The following DPP3 variants were observed in gnomAD, a reference collection of about 807,000 sequenced individuals.
The protein encoded by DPP3 is DPP III.
Under a neutral mutation model 89.8 loss-of-function variants are expected in DPP3, and 64 were observed. The ratio of observed to expected loss-of-function variants is 0.71; its 90% CI spans 0.58 to 0.88. The LOEUF is 0.88. Among genes scored for constraint, DPP3 ranks in the 40% least tolerant of loss-of-function variants. The pLI is 0.00. For synonymous variants in DPP3, 377 were observed against 404.3 expected (o/e 0.93, Z 0.81); for missense variants, 835 against 972.5 (o/e 0.86, Z 1.88).
At position 66,493,020 on chromosome 11, in the gene DPP3, C is replaced by T. The variant is rs775982306; in HGVS notation, c.1184-47C>T. On this transcript the variant is annotated intron_variant, in intron 10 of 17. Coordinates refer to ENST00000531863, the MANE Select transcript of DPP3 (RefSeq NM_130443.4). The stretch of plus-strand genomic sequence containing the variant: ...ACTGCTCTGTGCCTCTTGTCTGTTA[C>T]CTTTGACCCTCACCTCTTCTTTCTG... 2.5e-6 allele frequency: 4 copies of T among 1,611,598 alleles called. No individual in the cohort carries two copies. In the Admixed American group the frequency reaches 5.0e-5, roughly 20 times the overall value.
intron 6 of DPP3, 94 bp from the exon 7 acceptor site, chr11:66,491,159 G>A: frequency 6.4e-7 from 1 of 1,569,114 alleles, no homozygotes; most frequent in Non-Finnish European, 8.6e-7. Context: ...AGTGCTATGG[G>A]GAAAAGCCGG....
chr11:66,508,647 C>G (rs376948698), intron 17 of DPP3, among the ~76,000 whole-genome samples: 5 of 152,112 alleles, frequency 3.3e-5, no homozygotes, highest in Non-Finnish European at 7.3e-5. Context: ...CTCAGCCTCC[C>G]GAGTAGCTGG....
In DPP3 at chr11:66,491,328, G is replaced by A. The variant is rs772573325; in HGVS notation, c.743G>A (p.Arg248Gln). 6.8e-6 allele frequency: 11 copies of A among 1,613,752 alleles called. No individual in the cohort carries two copies. Among genetic ancestry groups the A allele is most frequent in the East Asian group, 4.5e-5 (2 of 44,848 alleles). Reference sequence around the variant, plus strand: ...CGGGGAAGCCCTTTCCAGGTGACCCGGGGGGACTACGCGCCCATCCTCCAG... The same window carrying A: ...CGGGGAAGCCCTTTCCAGGTGACCCAGGGGGACTACGCGCCCATCCTCCAG... ...EFRGSPFQVT[R>Q]GDYAPILQKV... The change falls in exon 7 of 18, where the codon CGG becomes CAG. Residue 248 changes from arginine (R) to glutamine (Q), a missense_variant. Coordinates refer to ENST00000531863, the MANE Select transcript of DPP3 (RefSeq NM_130443.4).
chr11:66,493,832 G>A (rs1175911609), intron 12 of DPP3, among the ~76,000 whole-genome samples, 199 bp downstream of exon 12: 1 of 152,216 alleles, frequency 6.6e-6, no homozygotes, highest in Non-Finnish European at 1.5e-5. Context: ...TGGATGTAGA[G>A]CCTGGGTGTA....
intron 12 of DPP3, among the ~76,000 whole-genome samples, chr11:66,494,073 CTT>C (rs1455737477): frequency 6.6e-6 from 1 of 152,154 alleles, no homozygotes; most frequent in African/African-American, 2.4e-5. Context: ...GCAGTGCTGT[CTT>C]TGTTTGCGCT....
At chr11:66,488,390 C>A (rs928119245) in intron 6 of DPP3, among the ~76,000 whole-genome samples, 6 of 152,094 alleles carry the variant, frequency 3.9e-5, no homozygotes, top group Non-Finnish European at 8.8e-5. Context: ...GGTGAAACCC[C>A]ATCTCTACTA....
chr11:66,488,104 G>T (rs1253183205), intron 6 of DPP3, 97 bp downstream of exon 6: 2 of 1,038,812 alleles, frequency 1.9e-6, no homozygotes, highest in African/African-American at 1.6e-5. Context: ...TTCAGAAAGA[G>T]CATCCTTCTC....
chr11:66,500,736 C>T (rs1855655729), intron 16 of DPP3, among the ~76,000 whole-genome samples: 1 of 152,200 alleles, frequency 6.6e-6, no homozygotes. Context: ...AGGAGACATA[C>T]AGGGATGTTC....
At chr11:66,493,730 C>T (rs1434244707) in intron 12 of DPP3, 97 bp downstream of exon 12, 2 of 1,317,860 alleles carry the variant, frequency 1.5e-6, no homozygotes, top group Admixed American at 4.3e-5. Flanking sequence ...CCTCTGCCCT[C>T]AGGAGCTATG....
At chr11:66,480,552 C>A in intron 1 of DPP3, 87 bp downstream of exon 1, 1 of 1,394,246 alleles carries the variant, frequency 7.2e-7, no homozygotes, top group Non-Finnish European at 9.3e-7. Flanking sequence ...AAATCGTTCC[C>A]TTTCTGCCCA....
chr11:66,498,243 G>A (rs180932405), intron 16 of DPP3, among the ~76,000 whole-genome samples: 17 of 152,190 alleles, frequency 1.1e-4, no homozygotes, highest in Admixed American at 3.9e-4. Context: ...ACAGGTGCCC[G>A]CCACCATGCC....
Position 66,508,431 on chromosome 11 carries a change from A to G in DPP3, c.2042-648A>G, listed in dbSNP as rs968452760. 3.3e-5 allele frequency among the ~76,000 whole-genome samples: 5 copies of G among 152,310 alleles called. 1 individual carries two copies. The East Asian group carries it at 9.6e-4, about 29-fold the overall frequency. On this transcript the variant is annotated intron_variant, in intron 17 of 17. Coordinates refer to ENST00000531863, the MANE Select transcript of DPP3 (RefSeq NM_130443.4). ...ACACTTGCCCCAGGTCCCACAGTAG[A>G]CAGATGAAGTCGTTGCTGAATTGTG...
intron 16 of DPP3, among the ~76,000 whole-genome samples, chr11:66,499,926 G>GA (rs199525581): frequency 7.3e-5 from 11 of 150,070 alleles, no homozygotes; most frequent in African/African-American, 2.0e-4. Flanking sequence ...TATGTATGGT[G>GA]AAAAAAAAAC....
In DPP3 at chr11:66,485,262, G is replaced by A; in HGVS notation, c.360G>A (p.Lys120=). The A allele has an allele frequency of 1.1e-5, 18 of 1,614,028 alleles. No individual in the cohort carries two copies. The highest frequency in any genetic ancestry group is 1.5e-5 in the Non-Finnish European group (18 of 1,179,978). Reference sequence around the variant, plus strand: ...CCAAGTTTGTTCCCAACTTGCCCAAGGTGAGCCAAGGGAGGGTTGGGGAAG... The same window carrying A: ...CCAAGTTTGTTCCCAACTTGCCCAAAGTGAGCCAAGGGAGGGTTGGGGAAG... ...GDTKFVPNLP[K]EKLERVILGS... is the part of the protein sequence containing the mutation. The change falls in exon 3 of 18, where the codon AAG becomes AAA. Residue 120 remains lysine (K), a splice_region_variant and synonymous_variant. Coordinates refer to ENST00000531863, the MANE Select transcript of DPP3 (RefSeq NM_130443.4).
chr11:66,486,761 G>A, intron 4 of DPP3, 84 bp downstream of exon 4: 1 of 1,416,152 alleles, frequency 7.1e-7, no homozygotes, highest in Non-Finnish European at 9.3e-7. Flanking sequence ...GACACGGGAT[G>A]GGGAGGCAGT....
chr11:66,483,783 CT>C (rs1855151685), intron 2 of DPP3, among the ~76,000 whole-genome samples: 1 of 152,124 alleles, frequency 6.6e-6, no homozygotes, highest in Admixed American at 6.5e-5. Flanking sequence ...AGAATATGGC[CT>C]GTTTTTCTAT....
At chr11:66,497,579 G>A (rs184188399) in intron 16 of DPP3, 102 bp downstream of exon 16, 167 of 1,438,830 alleles carry the variant, frequency 1.2e-4, no homozygotes, top group Non-Finnish European at 1.5e-4. Context: ...TTCTTATGCT[G>A]CAGTGAGGAA....
chr11:66,496,540 G>A (rs1366547747), intron 15 of DPP3, among the ~76,000 whole-genome samples: 1 of 151,722 alleles, frequency 6.6e-6, no homozygotes, highest in African/African-American at 2.4e-5. Flanking sequence ...TCAGCCTCCC[G>A]AGTGGCTAGG....
At chr11:66,491,125 C>T in intron 6 of DPP3, 128 bp from the exon 7 acceptor site, 3 of 1,383,274 alleles carry the variant, frequency 2.2e-6, no homozygotes, top group Non-Finnish European at 3.0e-6. Flanking sequence ...CTACAGGGAG[C>T]CATTGAAAAT....
Sources: gnomAD v4.1 joint callset for allele counts (sites outside exome capture counted in the v4.1 genomes callset) on GRCh38, gnomAD v4.1.1 for gene constraint, MANE v1.5 for transcripts, NCBI Gene and HGNC (gene_info 2026-07-23, HGNC 2026-07-21) for gene names.